Variants in BRI3 observed in about 807,000 individuals in gnomAD.
BRI3 encodes the protein membrane protein BRI3.
A neutral mutation model predicts 12.8 loss-of-function variants in BRI3; 6 were observed. That is an observed-to-expected ratio of 0.47 (90% confidence interval 0.26 to 0.93). BRI3 has a LOEUF of 0.93. Among genes scored for constraint, BRI3 ranks in the 40% least tolerant of loss-of-function variants. The pLI, the probability that BRI3 is intolerant of heterozygous loss-of-function variation, is 0.15. For missense variants in BRI3, 134 were observed against 171.1 expected, an observed-to-expected ratio of 0.78 and a Z score of 1.21; for synonymous variants, 91 against 76.1, an observed-to-expected ratio of 1.20 and a Z score of -1.02.
Position 98,299,715 on chromosome 7 carries a change from A to G in BRI3, c.72-6768A>G, listed in dbSNP as rs1800340988. On this transcript the variant is annotated intron_variant and NMD_transcript_variant, in intron 1 of 2. Transcript: ENST00000491463. ...TTGTATGATCTATTCCTAACTGTCC[A>G]ATGTGGCAACCACTAGCTGTATATG... Among the ~76,000 whole-genome samples, 3 of 152,168 alleles carry G rather than the reference A, an allele frequency of 2.0e-5. No individual in the cohort carries two copies. The South Asian group carries it at 6.2e-4, about 32-fold the overall frequency.
downstream of BRI3, chr7:98,293,078 GC>G (rs1800037707): frequency 1.6e-6 from 1 of 626,840 alleles, no homozygotes; most frequent in Non-Finnish European, 2.1e-6. Context: ...ATGCTAAGAT[GC>G]AAACTTACGT....
intron 1 of BRI3, among the ~76,000 whole-genome samples, chr7:98,300,880 G>GCCGAAGCT (rs887248695): frequency 7.9e-5 from 12 of 152,132 alleles, no homozygotes; most frequent in Non-Finnish European, 1.6e-4. Context: ...TTGTGTTTTT[G>GCCGAAGCT]CCGAAGCTCG....
At chr7:98,286,185 C>G (rs1256843529) in intron 2 of BRI3, among the ~76,000 whole-genome samples, 1 of 152,212 alleles carries the variant, frequency 6.6e-6, no homozygotes, top group Non-Finnish European at 1.5e-5. Context: ...CAGCTTCAGC[C>G]TCCTGTAAAG....
downstream of BRI3, chr7:98,310,482 C>T (rs142172979): frequency 1.1e-4 from 178 of 1,604,686 alleles, 1 homozygote; most frequent in South Asian, 2.8e-4. Context: ...TCGGGGCAGC[C>T]GTGGCTGGGT....
upstream of BRI3, among the ~76,000 whole-genome samples, chr7:98,302,144 G>A (rs542211295): frequency 6.6e-6 from 1 of 152,356 alleles, no homozygotes; most frequent in Non-Finnish European, 1.5e-5. Flanking sequence ...GGAGGAATCT[G>A]TCATTACTGA....
At chr7:98,320,324 C>A in the BRI3 span, 2 of 1,537,172 alleles carry the variant, frequency 1.3e-6, no homozygotes, top group South Asian at 2.4e-5. Flanking sequence ...GATATGTTAG[C>A]GGGAAGCCAT....
chr7:98,310,355 G>A, exon 2 of BRI3: 1 of 1,421,032 alleles, frequency 7.0e-7, no homozygotes, highest in Non-Finnish European at 9.6e-7. Context: ...TCCAAACCTT[G>A]CAATACATTT....
At chr7:98,292,347 G>A (rs956419101), downstream of BRI3, 3 of 381,610 alleles carry the variant, frequency 7.9e-6, no homozygotes, top group African/African-American at 4.2e-5. Context: ...TCAGCCTCCT[G>A]AGTGGCGCCC....
At chr7:98,299,350 G>T (rs918503512) in intron 1 of BRI3, among the ~76,000 whole-genome samples, 1 of 151,526 alleles carries the variant, frequency 6.6e-6, no homozygotes, top group Non-Finnish European at 1.5e-5. Flanking sequence ...TATAGACGAG[G>T]TCCCACTATA....
chr7:98,301,709 A>G (rs907211530), upstream of BRI3, among the ~76,000 whole-genome samples: 11 of 152,182 alleles, frequency 7.2e-5, no homozygotes, highest in Admixed American at 3.9e-4. Flanking sequence ...GGTGGGGGTT[A>G]GAGGGAGGGT....
At chr7:98,288,961 CTTTTT>C (rs1229881276) in intron 2 of BRI3, among the ~76,000 whole-genome samples, 2 of 151,826 alleles carry the variant, frequency 1.3e-5, no homozygotes, top group African/African-American at 4.8e-5. Context: ...AAGTTTTTTT[CTTTTT>C]TCTTTTTTTT....
downstream of BRI3, among the ~76,000 whole-genome samples, chr7:98,296,853 G>T (rs540092352): frequency 1.3e-5 from 2 of 152,282 alleles, no homozygotes; most frequent in East Asian, 1.9e-4. Context: ...TTATCTGGTG[G>T]CCCCCAAGGG....
At chr7:98,291,635 T>C (rs903204421), downstream of BRI3, 11 of 505,868 alleles carry the variant, frequency 2.2e-5, no homozygotes, top group Admixed American at 2.3e-4. Flanking sequence ...AGCAGGCGCT[T>C]ACAGCTCAAG....
Position 98,284,483 on chromosome 7 carries a change from G to A in BRI3, c.245+2030G>A, listed in dbSNP as rs113989570. On this transcript the variant is annotated intron_variant, in intron 2 of 2. Coordinates refer to ENST00000297290, the MANE Select transcript of BRI3 (RefSeq NM_015379.5). Reference sequence around the variant, plus strand: ...TGGTCCCTGGGCCACTCCTCTCTGCGAGGAGAGTGGAGACGGTTCCCTGAA... The same window carrying A: ...TGGTCCCTGGGCCACTCCTCTCTGCAAGGAGAGTGGAGACGGTTCCCTGAA... Among the ~76,000 whole-genome samples the A allele has an allele frequency of 1.7e-4, 26 of 152,310 alleles. 1 individual carries two copies. The highest frequency in any genetic ancestry group is 6.0e-4 in the African/African-American group (25 of 41,570).
At chr7:98,294,011 C>T (rs371507314), downstream of BRI3, 63 of 1,568,514 alleles carry the variant, frequency 4.0e-5, no homozygotes, top group African/African-American at 4.2e-4. Context: ...AAGGCCCTTC[C>T]GGGGGACACT....
At chr7:98,283,706 C>T (rs1019896183) in intron 2 of BRI3, among the ~76,000 whole-genome samples, 4 of 152,300 alleles carry the variant, frequency 2.6e-5, no homozygotes, top group Admixed American at 6.5e-5. Flanking sequence ...CCTGCCATCC[C>T]GGTGTCCAGC....
intron 2 of BRI3, among the ~76,000 whole-genome samples, chr7:98,288,814 T>G (rs1367717996): frequency 2.0e-5 from 3 of 149,726 alleles, no homozygotes; most frequent in Non-Finnish European, 3.0e-5. Flanking sequence ...CAGGCTGGTT[T>G]TGAACTGCTG....
At chr7:98,303,751 G>A (rs1800520872), upstream of BRI3, among the ~76,000 whole-genome samples, 1 of 152,158 alleles carries the variant, frequency 6.6e-6, no homozygotes, top group Non-Finnish European at 1.5e-5. Context: ...TGCCTAGAAG[G>A]TTTAGGGTTA....
At chr7:98,282,571 C>T (rs4448203) in intron 2 of BRI3, 118 bp downstream of exon 2, 84,441 of 816,422 alleles carry the variant, frequency 0.1, 5,930 homozygotes, top group South Asian at 0.24. Context: ...GGATCTTGAC[C>T]AGAGCCCTTT....
Sources: gnomAD v4.1 joint callset for allele counts (sites outside exome capture counted in the v4.1 genomes callset) on GRCh38, gnomAD v4.1.1 for gene constraint, MANE v1.5 for transcripts, NCBI Gene and HGNC (gene_info 2026-07-23, HGNC 2026-07-21) for gene names.